CFDP1: variants seen among roughly 807,000 people sequenced by gnomAD.
CFDP1 encodes the protein chromatin remodeling protein CFDP1.
Under a neutral mutation model 40.1 loss-of-function variants are expected in CFDP1, and 31 were observed. The observed-to-expected ratio is 0.77, with a 90% CI of 0.58 to 1.04. The LOEUF is 1.04. CFDP1 is among the 50% of genes least tolerant of loss of function. The probability of loss-of-function intolerance (pLI) is 0.00; values close to 1 mark genes in which losing one functional copy is unlikely to be tolerated. For synonymous variants in CFDP1, 167 were observed against 120.0 expected (o/e 1.39, Z -2.56); for missense variants, 423 against 343.4 (o/e 1.23, Z -1.83).
intron 6 of CFDP1, among the ~76,000 whole-genome samples, chr16:75,299,101 G>A (rs1171994761): frequency 6.6e-6 from 1 of 152,076 alleles, no homozygotes; most frequent in Non-Finnish European, 1.5e-5. Flanking sequence ...ATGGGTTACA[G>A]GACTGCAGGG....
chr16:75,414,047 C>G (rs1043200388), intron 2 of CFDP1, among the ~76,000 whole-genome samples: 2 of 152,098 alleles, frequency 1.3e-5, no homozygotes, highest in African/African-American at 4.8e-5. Context: ...TAGATACAAT[C>G]TAAACATCCC....
At chr16:75,411,637 A>G (rs1159794707) in intron 4 of CFDP1, among the ~76,000 whole-genome samples, 188 bp downstream of exon 4, 2 of 152,136 alleles carry the variant, frequency 1.3e-5, no homozygotes, top group African/African-American at 4.8e-5. Flanking sequence ...CAAAAACTAC[A>G]CTGCTATATG....
chr16:75,381,466 G>C (rs1271568049), intron 5 of CFDP1, among the ~76,000 whole-genome samples: 1 of 152,128 alleles, frequency 6.6e-6, no homozygotes, highest in Admixed American at 6.5e-5. Flanking sequence ...TTAGGGGCTA[G>C]GGGGAAAGAC....
intron 4 of CFDP1, among the ~76,000 whole-genome samples, chr16:75,399,692 T>C (rs767698141): frequency 6.6e-6 from 1 of 151,648 alleles, no homozygotes; most frequent in Admixed American, 6.6e-5. Context: ...TTTCTGACAG[T>C]AGAAAGCAGC....
Position 75,429,600 on chromosome 16 carries a change from C to A in CFDP1, c.64+3689G>T, listed in dbSNP as rs542354877. Among the ~76,000 whole-genome samples the A allele has an allele frequency of 9.7e-4, 147 of 152,136 alleles. 1 individual carries two copies. Among genetic ancestry groups the A allele is most frequent in the Non-Finnish European group, 1.6e-3 (108 of 68,034 alleles). ...CCCGGGAGGTGGAGGTTGCAGTGAG[C>A]CAAGATCACGCTACTGCACTCCAGC... On this transcript the variant is annotated intron_variant, in intron 1 of 6. Coordinates refer to ENST00000283882, the MANE Select transcript of CFDP1 (RefSeq NM_006324.3).
In CFDP1 at chr16:75,326,946, C is replaced by T. The variant is rs183235514; in HGVS notation, c.651-21764G>A. 1.6e-4 allele frequency among the ~76,000 whole-genome samples: 24 copies of T among 152,250 alleles called. No homozygotes were observed. In the East Asian group the frequency reaches 4.6e-3, roughly 29 times the overall value. On this transcript the variant is annotated intron_variant, in intron 5 of 6. Coordinates refer to ENST00000283882, the MANE Select transcript of CFDP1 (RefSeq NM_006324.3). Reference sequence around the variant, plus strand: ...AAATTTAGCTCCCATAAACCTTTTCCTGAGGAAGTTATTAGAGGATGAGTT... The same window carrying T: ...AAATTTAGCTCCCATAAACCTTTTCTTGAGGAAGTTATTAGAGGATGAGTT...
chr16:75,366,045 A>G (rs1330539069), intron 5 of CFDP1, among the ~76,000 whole-genome samples: 2 of 152,256 alleles, frequency 1.3e-5, no homozygotes, highest in Non-Finnish European at 1.5e-5. Context: ...TCAATCCTAG[A>G]AAATGAAAAC....
intron 5 of CFDP1, among the ~76,000 whole-genome samples, chr16:75,363,359 T>A (rs2078692396): frequency 6.6e-6 from 1 of 151,326 alleles, no homozygotes; most frequent in Admixed American, 6.6e-5. Context: ...GTGCACAATC[T>A]ATGAGGAATG....
At chr16:75,321,512 C>G (rs73607066) in intron 5 of CFDP1, among the ~76,000 whole-genome samples, 1,938 of 152,286 alleles carry the variant, frequency 0.013, 36 homozygotes, top group African/African-American at 0.044. Flanking sequence ...TCAGGTAATA[C>G]TTTAAACCAA....
chr16:75,317,103 C>G (rs569725595), intron 5 of CFDP1, among the ~76,000 whole-genome samples: 1 of 152,356 alleles, frequency 6.6e-6, no homozygotes, highest in African/African-American at 2.4e-5. Context: ...AGGCAAGTGG[C>G]GAGGGCAGAG....
intron 1 of CFDP1, among the ~76,000 whole-genome samples, chr16:75,424,312 G>A (rs141486870): frequency 1.1e-3 from 169 of 152,264 alleles, no homozygotes; most frequent in African/African-American, 3.7e-3. Context: ...CAATTAGCAC[G>A]TACAGTGTTA....
intron 5 of CFDP1, among the ~76,000 whole-genome samples, chr16:75,351,145 G>A (rs2078607752): frequency 6.6e-6 from 1 of 152,110 alleles, no homozygotes; most frequent in Non-Finnish European, 1.5e-5. Context: ...TTGTTCTTAG[G>A]AAGGTAGAAG....
At chr16:75,410,727 T>A (rs1303696393) in intron 4 of CFDP1, among the ~76,000 whole-genome samples, 2 of 148,296 alleles carry the variant, frequency 1.3e-5, no homozygotes, top group African/African-American at 5.0e-5. Flanking sequence ...GCTAACATGG[T>A]GAAACCCCGT....
intron 5 of CFDP1, among the ~76,000 whole-genome samples, chr16:75,340,936 T>C (rs1427277599): frequency 1.3e-5 from 2 of 152,174 alleles, no homozygotes; most frequent in African/African-American, 2.4e-5. Context: ...GGTTGTTTCC[T>C]GCACCTCTCA....
At chr16:75,334,956 CA>C (rs56372530) in intron 5 of CFDP1, among the ~76,000 whole-genome samples, 33,222 of 127,598 alleles carry the variant, frequency 0.26, 4,109 homozygotes, top group African/African-American at 0.39. Context: ...CACTCTGCCT[CA>C]AAAAAAAAAA....
intron 1 of CFDP1, chr16:75,418,926 G>A: frequency 5.6e-6 from 1 of 179,714 alleles, no homozygotes; most frequent in Non-Finnish European, 1.2e-5. Flanking sequence ...GAATGCTTGA[G>A]CCCATGAGTT....
At chr16:75,378,164 G>A (rs75040528) in intron 5 of CFDP1, among the ~76,000 whole-genome samples, 400 of 152,266 alleles carry the variant, frequency 2.6e-3, no homozygotes, top group Non-Finnish European at 4.4e-3. Context: ...AGGGATGTGC[G>A]TTGTAAGCTG....
At chr16:75,330,183 A>G (rs977613538) in intron 5 of CFDP1, among the ~76,000 whole-genome samples, 2 of 152,236 alleles carry the variant, frequency 1.3e-5, no homozygotes, top group African/African-American at 4.8e-5. Context: ...TGACTACTTC[A>G]GTAATTATCC....
intron 4 of CFDP1, among the ~76,000 whole-genome samples, chr16:75,402,147 T>C (rs1212304746): frequency 6.6e-6 from 1 of 152,144 alleles, no homozygotes; most frequent in East Asian, 1.9e-4. Context: ...TAACAAGCAA[T>C]AAGGGATTCA....
Sources: gnomAD v4.1 joint callset for allele counts (sites outside exome capture counted in the v4.1 genomes callset) on GRCh38, gnomAD v4.1.1 for gene constraint, MANE v1.5 for transcripts, NCBI Gene and HGNC (gene_info 2026-07-23, HGNC 2026-07-21) for gene names.